Variants in LOXL3 observed in about 807,000 individuals in gnomAD.
LOXL3 encodes the protein lysyl oxidase like 3.
A neutral mutation model predicts 91.8 loss-of-function variants in LOXL3; 60 were observed. The observed-to-expected ratio is 0.65, with a 90% CI of 0.53 to 0.81. LOXL3 has a LOEUF of 0.81. Among genes scored for constraint, LOXL3 ranks in the 30% least tolerant of loss-of-function variants. LOXL3 has a pLI of 0.00. For synonymous variants in LOXL3, 355 were observed against 387.6 expected (o/e 0.92, Z 0.99); for missense variants, 874 against 1,000.4 (o/e 0.87, Z 1.70).
At chr2:74,537,274 G>A (rs1266568513) in intron 4 of LOXL3, among the ~76,000 whole-genome samples, 1 of 152,230 alleles carries the variant, frequency 6.6e-6, no homozygotes, top group Non-Finnish European at 1.5e-5. Flanking sequence ...TCAGGGAAGG[G>A]GAAACCAGGA....
At position 74,536,327 on chromosome 2, in the gene LOXL3, C is replaced by T; in HGVS notation, c.1057G>A (p.Ala353Thr). 6 of 1,614,028 alleles carry T rather than the reference C, an allele frequency of 3.7e-6. No individual in the cohort carries two copies. Among genetic ancestry groups the T allele is most frequent in the Non-Finnish European group, 5.1e-6 (6 of 1,180,014 alleles). Residue 353 changes from alanine (A) to threonine (T), a missense_variant, in exon 6 of 14, where the codon GCT (alanine) becomes ACT (threonine). Coordinates refer to ENST00000264094, the MANE Select transcript of LOXL3 (RefSeq NM_032603.5). This position sits in a 1 kb window ranked among gnomAD's most constrained non-coding sequence, Gnocchi z 4.5. ...CGAGCGCCACTCAGAGCTTCTCGAG[C>T]ACTCCCGAAGCCCAGCTCCCGACAC... ...VVCRELGFGS[A>T]REALSGARMG...
Position 74,535,602 on chromosome 2 carries a change from T to G in LOXL3, c.1402A>C (p.Asn468His). ...ACRQLGLGYA[N>H]HGLQETWYWD... is the part of the protein sequence containing the mutation. ...TTCCCACTCACCTGCAGGCCGTGGT[T>G]GGCGTAGCCCAGACCCAGTTGCCTA... Residue 468 changes from asparagine (N) to histidine (H), a missense_variant, in exon 8 of 14, where the codon AAC (asparagine) becomes CAC (histidine). Coordinates refer to ENST00000264094, the MANE Select transcript of LOXL3 (RefSeq NM_032603.5). The surrounding 1 kb of genome is among the most constrained non-coding windows in gnomAD (Gnocchi z 4.2). 1 of 1,614,072 alleles carries G rather than the reference T, an allele frequency of 6.2e-7. No homozygotes were observed. The highest frequency in any genetic ancestry group is 8.5e-7 in the Non-Finnish European group (1 of 1,180,028).
At chr2:74,554,899 T>TGGAGAGCGGCGCC, upstream of LOXL3, 1 of 1,581,440 alleles carries the variant, frequency 6.3e-7, no homozygotes, top group East Asian at 2.3e-5. The surrounding 1 kb of genome is among the most constrained non-coding windows in gnomAD (Gnocchi z 4.9). Context: ...GGCAGCGGGC[T>TGGAGAGCGGCGCC]GGAGAGCGGC....
chr2:74,535,528 C>G lies in LOXL3; in HGVS notation c.1416+60G>C, dbSNP rs762106029. On this transcript the variant is annotated intron_variant, in intron 8 of 13. Transcript: ENST00000264094. This position sits in a 1 kb window ranked among gnomAD's most constrained non-coding sequence, Gnocchi z 4.2. ...GGGCCAAGGGACTCATTCCTCAGCC[C>G]TCTGCCCAAAACACAGGCTTTGAGA... 2.0e-4 allele frequency: 319 copies of G among 1,611,746 alleles called. No homozygotes were observed. Among genetic ancestry groups the G allele is most frequent in the Non-Finnish European group, 2.5e-4 (295 of 1,179,788 alleles).
intron 4 of LOXL3, among the ~76,000 whole-genome samples, chr2:74,543,031 T>C (rs1676409795): frequency 6.6e-6 from 1 of 152,248 alleles, no homozygotes; most frequent in Non-Finnish European, 1.5e-5. Flanking sequence ...TTCATCTTAA[T>C]GACCTCTCTG....
At chr2:74,553,437 C>T (rs985251609) in intron 1 of LOXL3, among the ~76,000 whole-genome samples, 13 of 152,196 alleles carry the variant, frequency 8.5e-5, no homozygotes, top group African/African-American at 3.1e-4. Context: ...GTAGGGTTGT[C>T]CCAGCCTCCT....
In LOXL3 at chr2:74,535,450, G is replaced by A. The variant is rs759576983; in HGVS notation, c.1421C>T (p.Thr474Ile). Reference protein sequence around the residue: ...LGYANHGLQETWYWDSGNITE... With the variant: ...LGYANHGLQEIWYWDSGNITE... ...TATATTCCCAGAGTCCCAGTACCAG[G>A]TCTCCTGGGGACATATGCAGATGTT... The change falls in exon 9 of 14, where the codon ACC (threonine) becomes ATC (isoleucine). Residue 474 changes from threonine to isoleucine, a missense_variant. Thr to Ile is a moderately conservative substitution (Grantham distance 89, BLOSUM62 -1). Coordinates refer to ENST00000264094, the MANE Select transcript of LOXL3 (RefSeq NM_032603.5). The surrounding 1 kb of genome is among the most constrained non-coding windows in gnomAD (Gnocchi z 4.2). 6.2e-7 allele frequency: 1 copy of A among 1,613,822 alleles called. No individual in the cohort carries two copies.
chr2:74,536,223 C>T lies in LOXL3; in HGVS notation c.1093+68G>A. The T allele has an allele frequency of 6.2e-7, 1 of 1,611,952 alleles. No individual in the cohort carries two copies. The highest frequency in any genetic ancestry group is 1.3e-5 in the African/African-American group (1 of 75,024). On this transcript the variant is annotated intron_variant, in intron 6 of 13. Transcript: ENST00000264094. This position sits in a 1 kb window ranked among gnomAD's most constrained non-coding sequence, Gnocchi z 4.5. ...GTCTGCCCAGGGGACACCTAACCTT[C>T]CGAAGGAATATGCCCCCCAGGAGCA...
chr2:74,535,313 C>A lies in LOXL3; in HGVS notation c.1558G>T (p.Ala520Ser). ...TCKRTGTRFT[A>S]GVICSETASD... ...TCACTCTCAGAACAGATGACTCCAG[C>A]AGTGAAGCGGGTCCCTGTCCTCTTG... The change falls in exon 9 of 14, where the codon GCT becomes TCT. Residue 520 changes from alanine (A) to serine (S), a missense_variant. By Grantham distance (99) the Ala-to-Ser change is moderately conservative (BLOSUM62 1). Transcript: ENST00000264094. This position sits in a 1 kb window ranked among gnomAD's most constrained non-coding sequence, Gnocchi z 4.2. 3 of 1,613,888 alleles carry A rather than the reference C, an allele frequency of 1.9e-6. No individual in the cohort carries two copies. In the South Asian group the frequency reaches 3.3e-5, roughly 18 times the overall value.
chr2:74,550,418 G>C, intron 2 of LOXL3, 70 bp from the exon 3 acceptor site: 1 of 1,528,056 alleles, frequency 6.5e-7, no homozygotes, highest in Non-Finnish European at 8.9e-7. Context: ...GGGATGTAGG[G>C]AAGAGTGAGT....
At chr2:74,546,798 C>T (rs186932312) in intron 4 of LOXL3, among the ~76,000 whole-genome samples, 1 of 152,110 alleles carries the variant, frequency 6.6e-6, no homozygotes, top group African/African-American at 2.4e-5. Flanking sequence ...CTCACCGCAA[C>T]CTCCGCCTCC....
At chr2:74,546,176 G>A (rs770857276) in intron 4 of LOXL3, among the ~76,000 whole-genome samples, 12 of 152,166 alleles carry the variant, frequency 7.9e-5, no homozygotes, top group Non-Finnish European at 1.6e-4. Context: ...ACTTTCACTG[G>A]TCACCATCAC....
chr2:74,535,741 C>G lies in LOXL3; in HGVS notation c.1263G>C (p.Gly421=). ...CTCGCCCCTCATGTTGGCTGCGGCC[C>G]CCACTGAGTCGGATCTGTAGTGACA... The part of the protein sequence containing the change: ...TGAETRIRLS[G]GRSQHEGRVE... Residue 421 remains glycine, a synonymous_variant, in exon 8 of 14, where the codon GGG becomes GGC. Transcript: ENST00000264094. The surrounding 1 kb of genome is among the most constrained non-coding windows in gnomAD (Gnocchi z 4.2). 6.3e-7 allele frequency: 1 copy of G among 1,574,850 alleles called. No homozygotes were observed. Among genetic ancestry groups the G allele is most frequent in the Non-Finnish European group, 8.6e-7 (1 of 1,166,162 alleles).
chr2:74,534,193 G>A lies in LOXL3; in HGVS notation c.1983C>T (p.Gly661=). 1 of 1,614,180 alleles carries A rather than the reference G, an allele frequency of 6.2e-7. No individual in the cohort carries two copies. The highest frequency in any genetic ancestry group is 2.2e-5 in the East Asian group (1 of 44,884). The change falls in exon 12 of 14, where the codon GGC becomes GGT. Residue 661 remains glycine, a synonymous_variant. Coordinates refer to ENST00000264094, the MANE Select transcript of LOXL3 (RefSeq NM_032603.5). The part of the protein sequence containing the change: ...RYECANFGEQ[G]ITVGCWDLYR... ...AGAGATCCCAGCAACCCACAGTGAT[G>A]CCTTGCTCTCCAAAGTTGGCACACT...
chr2:74,555,075 G>T, upstream of LOXL3: 3 of 1,509,706 alleles, frequency 2.0e-6, no homozygotes, highest in Middle Eastern at 2.4e-4. The surrounding 1 kb of genome is among the most constrained non-coding windows in gnomAD (Gnocchi z 6.1). Flanking sequence ...ATCGACTTGC[G>T]CCGCAACCTC....
upstream of LOXL3, chr2:74,555,541 G>A (rs745535114): frequency 1.2e-6 from 2 of 1,613,724 alleles, no homozygotes; most frequent in East Asian, 4.5e-5. The surrounding 1 kb of genome is among the most constrained non-coding windows in gnomAD (Gnocchi z 6.1). Flanking sequence ...CCCCGCTGAG[G>A]AAATTACGGG....
Position 74,535,884 on chromosome 2 carries a change from G to A in LOXL3, c.1248+112C>T. On this transcript the variant is annotated intron_variant, in intron 7 of 13. Transcript: ENST00000264094. This position sits in a 1 kb window ranked among gnomAD's most constrained non-coding sequence, Gnocchi z 4.2. Reference sequence around the variant, plus strand: ...GCAAGTGATGGGTCAGGTGGGAGCTGCAGGAGGGCAGGGGCCTGGGGCAAT... The same window carrying A: ...GCAAGTGATGGGTCAGGTGGGAGCTACAGGAGGGCAGGGGCCTGGGGCAAT... 3 of 1,472,236 alleles carry A rather than the reference G, an allele frequency of 2.0e-6. No homozygotes were observed. Among genetic ancestry groups the A allele is most frequent in the Non-Finnish European group, 2.7e-6 (3 of 1,103,672 alleles). 91.2% of individuals were successfully genotyped at this position (1,472,236 alleles called of 1,614,324 possible). A position where few individuals can be genotyped will look rare whatever the true frequency, so the allele number is the denominator to read the frequency against.
intron 4 of LOXL3, 129 bp from the exon 5 acceptor site, chr2:74,537,057 C>T: frequency 2.7e-6 from 2 of 731,030 alleles, no homozygotes; most frequent in Non-Finnish European, 4.6e-6. Context: ...TCCTCTTCTT[C>T]CCCCTTCCAT....
chr2:74,543,699 T>C (rs1167788112), intron 4 of LOXL3, among the ~76,000 whole-genome samples: 1 of 151,566 alleles, frequency 6.6e-6, no homozygotes. Context: ...AAGACCAGCC[T>C]GGGCAACATG....
Sources: gnomAD v4.1 joint callset for allele counts (sites outside exome capture counted in the v4.1 genomes callset) on GRCh38, gnomAD v4.1.1 for gene constraint, Gnocchi (gnomAD v3.1) non-coding constraint, MANE v1.5 for transcripts, NCBI Gene and HGNC (gene_info 2026-07-23, HGNC 2026-07-21) for gene names.